Variants in RERE observed in about 807,000 individuals in gnomAD.
The protein encoded by RERE is arginine-glutamic acid dipeptide repeats protein.
RERE carries 40 observed loss-of-function variants against 146.1 expected under a neutral mutation model. That is an observed-to-expected ratio of 0.27 (90% CI 0.21 to 0.36). RERE has a LOEUF of 0.36. Among genes scored for constraint, RERE ranks in the 10% least tolerant of loss-of-function variants. RERE has a pLI of 1.00. For synonymous variants in RERE, 1,003 were observed against 866.0 expected (o/e 1.16, Z -2.78); for missense variants, 1,933 against 2,138.7 (o/e 0.90, Z 1.90).
At chr1:8,641,158 C>A (rs1647171017) in intron 2 of RERE, among the ~76,000 whole-genome samples, 1 of 152,158 alleles carries the variant, frequency 6.6e-6, no homozygotes, top group Non-Finnish European at 1.5e-5. Context: ...AAATACAAGC[C>A]AATCTCTGTC....
At chr1:8,468,419 T>A (rs1048796590) in intron 10 of RERE, among the ~76,000 whole-genome samples, 10 of 152,108 alleles carry the variant, frequency 6.6e-5, no homozygotes, top group Non-Finnish European at 4.4e-5. Context: ...CAGGTCAACG[T>A]GGATTGGAAC....
At chr1:8,741,750 T>C (rs1640314494) in intron 1 of RERE, among the ~76,000 whole-genome samples, 1 of 152,196 alleles carries the variant, frequency 6.6e-6, no homozygotes, top group East Asian at 1.9e-4. Flanking sequence ...GACAGTTCTT[T>C]ATAGCAGCAA....
intron 1 of RERE, among the ~76,000 whole-genome samples, chr1:8,774,417 G>A (rs965039830): frequency 7.1e-6 from 1 of 141,828 alleles, no homozygotes; most frequent in Non-Finnish European, 1.5e-5. Flanking sequence ...GCAATGGCGC[G>A]ATCTCGGCTC....
At chr1:8,434,412 T>C (rs1644139420) in intron 11 of RERE, among the ~76,000 whole-genome samples, 1 of 152,196 alleles carries the variant, frequency 6.6e-6, no homozygotes, top group South Asian at 2.1e-4. Flanking sequence ...ATGAGGACCA[T>C]AAATCATTTA....
intron 7 of RERE, among the ~76,000 whole-genome samples, chr1:8,535,349 G>C (rs1010115101): frequency 1.3e-5 from 2 of 152,120 alleles, no homozygotes; most frequent in Non-Finnish European, 2.9e-5. Context: ...GGCAAAATTT[G>C]AATAGGGCCT....
intron 8 of RERE, among the ~76,000 whole-genome samples, chr1:8,498,771 A>G (rs1460233142): frequency 7.2e-6 from 1 of 139,212 alleles, no homozygotes; most frequent in Non-Finnish European, 1.5e-5. Flanking sequence ...ACACACACAT[A>G]TGTAGTTGAA....
intron 12 of RERE, among the ~76,000 whole-genome samples, chr1:8,390,663 T>TA (rs1259313433): frequency 6.6e-6 from 1 of 151,884 alleles, no homozygotes; most frequent in Non-Finnish European, 1.5e-5. Context: ...AAACTATTTT[T>TA]AAAAAATCAT....
At chr1:8,781,024 C>G (rs1331935294) in intron 1 of RERE, among the ~76,000 whole-genome samples, 1 of 151,880 alleles carries the variant, frequency 6.6e-6, no homozygotes, top group African/African-American at 2.4e-5. Context: ...AGGGTTGAGA[C>G]CAGCCTGGGC....
rs1313717840 is a variant in RERE, at chr1:8,423,203, G to A, written c.1204-396C>T. On this transcript the variant is annotated intron_variant, in intron 11 of 22. Transcript: ENST00000400908. The surrounding 1 kb of genome is among the most constrained non-coding windows in gnomAD (Gnocchi z 5.4). ...GCTTCCCAGAAGTGTCGAGCAGAAA[G>A]GGGAAACAGAACCAAACCCGGTGAC... is the stretch of plus-strand genomic sequence containing the variant. 1.8e-5 allele frequency: 3 copies of A among 166,690 alleles called. No individual in the cohort carries two copies. Among genetic ancestry groups the A allele is most frequent in the African/African-American group, 7.2e-5 (3 of 41,914 alleles). The allele number at this position is 166,690 out of a possible 1,614,324, so 10.3% of individuals were successfully genotyped here.
intron 1 of RERE, among the ~76,000 whole-genome samples, chr1:8,800,987 G>A (rs2124590271): frequency 6.6e-6 from 1 of 151,540 alleles, no homozygotes; most frequent in Non-Finnish European, 1.5e-5. Flanking sequence ...GGCCAGGCAT[G>A]GTGGCTCACG....
intron 2 of RERE, among the ~76,000 whole-genome samples, chr1:8,655,054 T>C (rs547977750): frequency 7.2e-5 from 11 of 152,042 alleles, no homozygotes; most frequent in Admixed American, 5.2e-4. Context: ...TTTTGAGCAA[T>C]GCTATAAGCC....
chr1:8,370,827 G>A (rs924097152), intron 12 of RERE, among the ~76,000 whole-genome samples: 1 of 152,230 alleles, frequency 6.6e-6, no homozygotes, highest in African/African-American at 2.4e-5. Context: ...AAAAGCTGTT[G>A]CAGAAATCAA....
intron 4 of RERE, among the ~76,000 whole-genome samples, chr1:8,573,766 T>C (rs949304470): frequency 6.6e-6 from 1 of 152,172 alleles, no homozygotes; most frequent in Non-Finnish European, 1.5e-5. Flanking sequence ...GCTAAAAAAG[T>C]TTATGTCTAA....
At chr1:8,368,774 G>C (rs1193557478) in intron 12 of RERE, among the ~76,000 whole-genome samples, 1 of 152,052 alleles carries the variant, frequency 6.6e-6, no homozygotes, top group East Asian at 1.9e-4. Flanking sequence ...CAGGTTAAGG[G>C]AAGAAGCCAG....
chr1:8,692,382 G>A (rs1323349070), intron 1 of RERE, among the ~76,000 whole-genome samples: 10 of 147,138 alleles, frequency 6.8e-5, no homozygotes, highest in Admixed American at 2.1e-4. Flanking sequence ...GAGTCTCACT[G>A]TGTCACCCAG....
intron 2 of RERE, among the ~76,000 whole-genome samples, chr1:8,645,218 C>G (rs1038197977): frequency 6.6e-6 from 1 of 152,218 alleles, no homozygotes; most frequent in African/African-American, 2.4e-5. Context: ...GCCAAGTTCA[C>G]AGTGCCCTTT....
chr1:8,463,541 G>A (rs561516706), intron 11 of RERE, among the ~76,000 whole-genome samples: 103 of 152,332 alleles, frequency 6.8e-4, no homozygotes, highest in African/African-American at 2.3e-3. Context: ...ACAAGCAGGC[G>A]CTGCAGGAAA....
At chr1:8,554,412 T>G (rs912033345) in intron 6 of RERE, among the ~76,000 whole-genome samples, 4 of 151,616 alleles carry the variant, frequency 2.6e-5, no homozygotes, top group Non-Finnish European at 5.9e-5. Flanking sequence ...TTTGGCTGAG[T>G]GCGGTGGTTC....
At chr1:8,644,174 G>A (rs1400386148) in intron 2 of RERE, among the ~76,000 whole-genome samples, 3 of 152,202 alleles carry the variant, frequency 2.0e-5, no homozygotes, top group African/African-American at 4.8e-5. Context: ...GCCCCATCAT[G>A]TGCAGGCTTG....
Sources: allele counts gnomAD v4.1 joint callset (sites outside exome capture counted in the v4.1 genomes callset), GRCh38; gene constraint gnomAD v4.1.1; non-coding constraint Gnocchi (gnomAD v3.1); transcripts MANE v1.5; gene names NCBI Gene and HGNC (gene_info 2026-07-23, HGNC 2026-07-21).